MAP7: variants seen among roughly 807,000 people sequenced by gnomAD.
MAP7 encodes the protein ensconsin.
A neutral mutation model predicts 94.8 loss-of-function variants in MAP7; 52 were observed. The ratio of observed to expected loss-of-function variants is 0.55; its 90% CI spans 0.44 to 0.69. MAP7 has a LOEUF of 0.69. Ranked by LOEUF, MAP7 falls within the 30% of genes least tolerant of loss-of-function variation. The pLI is 0.00. For missense variants in MAP7, 940 were observed against 964.6 expected, an observed-to-expected ratio of 0.97 and a Z score of 0.34; for synonymous variants, 350 against 357.0, an observed-to-expected ratio of 0.98 and a Z score of 0.22.
At chr6:136,496,547 T>C (rs894099343) in intron 1 of MAP7, among the ~76,000 whole-genome samples, 1 of 151,994 alleles carries the variant, frequency 6.6e-6, no homozygotes, top group African/African-American at 2.4e-5. Context: ...CCAGTACTGG[T>C]AGTCCCCTAC....
chr6:136,386,598 C>A (rs1011840644), intron 5 of MAP7, among the ~76,000 whole-genome samples: 6 of 152,010 alleles, frequency 3.9e-5, no homozygotes, highest in East Asian at 3.9e-4. Flanking sequence ...AAAATATATA[C>A]CCTGCCAGGT....
chr6:136,409,191 A>T (rs1057475096), intron 3 of MAP7, among the ~76,000 whole-genome samples: 4 of 152,208 alleles, frequency 2.6e-5, no homozygotes, highest in Non-Finnish European at 5.9e-5. Flanking sequence ...TTGAATTTTT[A>T]AAAATTATGA....
intron 1 of MAP7, among the ~76,000 whole-genome samples, chr6:136,522,438 T>C (rs1432302829): frequency 2.6e-5 from 4 of 152,152 alleles, no homozygotes; most frequent in East Asian, 1.9e-4. Context: ...TTAATCTCCA[T>C]GTTCTCTCTT....
At chr6:136,466,793 T>G in intron 1 of MAP7, 3 of 1,535,346 alleles carry the variant, frequency 2.0e-6, no homozygotes, top group Non-Finnish European at 2.6e-6. Context: ...GCTAAAATCC[T>G]TCTTTCTTGA....
chr6:136,398,724 G>A (rs879687657), intron 3 of MAP7, among the ~76,000 whole-genome samples: 3 of 152,200 alleles, frequency 2.0e-5, no homozygotes, highest in Non-Finnish European at 4.4e-5. Flanking sequence ...CAGCCACGTG[G>A]AACTTTAAGT....
At chr6:136,504,001 T>C (rs932781607) in intron 1 of MAP7, among the ~76,000 whole-genome samples, 2 of 152,168 alleles carry the variant, frequency 1.3e-5, no homozygotes, top group Admixed American at 1.3e-4. Context: ...GAATAGTAAA[T>C]AAACTGCAGT....
At chr6:136,540,127 C>T (rs1829187061) in intron 1 of MAP7, among the ~76,000 whole-genome samples, 1 of 152,076 alleles carries the variant, frequency 6.6e-6, no homozygotes, top group African/African-American at 2.4e-5. Context: ...GGGCCTTGGG[C>T]ACAGCAGCAT....
At chr6:136,456,197 T>G (rs1802799803) in intron 1 of MAP7, among the ~76,000 whole-genome samples, 1 of 152,206 alleles carries the variant, frequency 6.6e-6, no homozygotes, top group South Asian at 2.1e-4. Flanking sequence ...AATCTGTCTT[T>G]GGAAAGATTA....
intron 8 of MAP7, among the ~76,000 whole-genome samples, chr6:136,371,177 A>C (rs953240987): frequency 6.6e-6 from 1 of 152,186 alleles, no homozygotes; most frequent in African/African-American, 2.4e-5. Flanking sequence ...ATGTGATGAC[A>C]AATCTCTCAT....
At chr6:136,394,185 G>A (rs1427074206) in intron 3 of MAP7, among the ~76,000 whole-genome samples, 2 of 151,762 alleles carry the variant, frequency 1.3e-5, no homozygotes, top group Admixed American at 6.6e-5. Context: ...GGGTTTCACC[G>A]TGTTAGCCAA....
intron 16 of MAP7, 65 bp from the exon 17 acceptor site, chr6:136,346,144 G>T: frequency 1.1e-6 from 1 of 934,848 alleles, no homozygotes; most frequent in Non-Finnish European, 1.6e-6. Context: ...ACATTATTAG[G>T]AAAACCAAAA....
At chr6:136,461,866 T>A (rs989025810) in intron 1 of MAP7, among the ~76,000 whole-genome samples, 1 of 152,160 alleles carries the variant, frequency 6.6e-6, no homozygotes, top group Non-Finnish European at 1.5e-5. Flanking sequence ...TATTAAAAAG[T>A]AGAAAAACTC....
At chr6:136,449,727 G>C (rs1007327436) in intron 1 of MAP7, among the ~76,000 whole-genome samples, 2 of 152,210 alleles carry the variant, frequency 1.3e-5, no homozygotes, top group African/African-American at 2.4e-5. Context: ...TAATTTAAAG[G>C]GGGGCAGAAG....
intron 1 of MAP7, among the ~76,000 whole-genome samples, chr6:136,522,340 A>AG (rs1826623958): frequency 5.9e-5 from 9 of 151,988 alleles, no homozygotes; most frequent in Admixed American, 5.9e-4. Context: ...AAGAGTAATC[A>AG]CTCCTTCAAG....
rs562027944 is a variant in MAP7 at position 136,542,730 on chromosome 6, A to AG, written c.67+7611dup. 2.0e-3 allele frequency among the ~76,000 whole-genome samples: 307 copies of AG among 152,018 alleles called. 1 individual carries two copies. The highest frequency in any genetic ancestry group is 5.8e-3 in the African/African-American group (242 of 41,420). On this transcript the variant is annotated intron_variant, in intron 1 of 17. Coordinates refer to ENST00000354570, the MANE Select transcript of MAP7 (RefSeq NM_003980.6). ...TGGTGTGTTAAAATTAAAAAAAAAA[A>AG]GAAATACTGTGGGGAAAAAAGAATG...
intron 1 of MAP7, among the ~76,000 whole-genome samples, chr6:136,474,594 A>G (rs548326263): frequency 1.3e-5 from 2 of 152,372 alleles, no homozygotes; most frequent in East Asian, 3.9e-4. Flanking sequence ...AAGAAAGAAA[A>G]GAAGATGCAT....
intron 1 of MAP7, among the ~76,000 whole-genome samples, chr6:136,443,098 C>G (rs574893290): frequency 1.3e-5 from 2 of 151,882 alleles, no homozygotes; most frequent in African/African-American, 4.8e-5. Context: ...CTTTATTAAC[C>G]CAGTAAATAG....
chr6:136,345,835 G>A (rs756527207), intron 17 of MAP7, 21 bp downstream of exon 17: 2 of 1,583,850 alleles, frequency 1.3e-6, no homozygotes, highest in Non-Finnish European at 8.7e-7. Context: ...GACTACAGAA[G>A]GGAGTTGGAG....
At chr6:136,390,576 T>C (rs6570080) in intron 3 of MAP7, among the ~76,000 whole-genome samples, 128,741 of 152,098 alleles carry the variant, frequency 0.85, 54,563 homozygotes, top group Admixed American at 0.88. Context: ...TCACTTGAAC[T>C]TGGGAGGCGG....
Sources: gnomAD v4.1 joint callset for allele counts (sites outside exome capture counted in the v4.1 genomes callset) on GRCh38, gnomAD v4.1.1 for gene constraint, MANE v1.5 for transcripts, NCBI Gene and HGNC (gene_info 2026-07-23, HGNC 2026-07-21) for gene names.